The following GABRB1 variants were observed in gnomAD, a reference collection of about 807,000 sequenced individuals.
The protein encoded by GABRB1 is gamma-aminobutyric acid type A receptor subunit beta1.
A neutral mutation model predicts 51.6 loss-of-function variants in GABRB1; 17 were observed. The observed-to-expected ratio is 0.33, with a 90% confidence interval of 0.23 to 0.49. The LOEUF (loss-of-function observed/expected upper bound fraction) is 0.49, where lower values mean the gene tolerates loss of function less well. GABRB1 is among the 20% of genes least tolerant of loss of function. The probability of loss-of-function intolerance (pLI) is 0.99; values close to 1 mark genes in which losing one functional copy is unlikely to be tolerated. For synonymous variants in GABRB1, 247 were observed against 218.9 expected (o/e 1.13, Z -1.14); for missense variants, 410 against 600.6 (o/e 0.68, Z 3.32).
At chr4:47,210,042 C>T (rs1488424750) in intron 4 of GABRB1, among the ~76,000 whole-genome samples, 2 of 152,174 alleles carry the variant, frequency 1.3e-5, no homozygotes, top group African/African-American at 4.8e-5. Flanking sequence ...AGGCCTGGTT[C>T]ACTGCTTATT....
intron 5 of GABRB1, among the ~76,000 whole-genome samples, chr4:47,355,059 C>G (rs1202003668): frequency 3.0e-5 from 4 of 134,662 alleles, no homozygotes; most frequent in African/African-American, 1.1e-4. Context: ...GATCTTGGCT[C>G]ACTGCAACCT....
At chr4:47,320,725 GT>G (rs1725049852) in intron 5 of GABRB1, among the ~76,000 whole-genome samples, 1 of 148,712 alleles carries the variant, frequency 6.7e-6, no homozygotes, top group Non-Finnish European at 1.5e-5. Context: ...ATTTTCGTTT[GT>G]CCTCTTGGGC....
intron 4 of GABRB1, among the ~76,000 whole-genome samples, chr4:47,261,670 T>C (rs1474341261): frequency 5.3e-5 from 8 of 151,834 alleles, no homozygotes; most frequent in Non-Finnish European, 1.0e-4. Flanking sequence ...AATGACTTTC[T>C]TCACAGAATT....
At chr4:47,155,580 G>A (rs1235941961) in intron 3 of GABRB1, among the ~76,000 whole-genome samples, 1 of 151,782 alleles carries the variant, frequency 6.6e-6, no homozygotes, top group Admixed American at 6.6e-5. Context: ...GACTATGGGG[G>A]CAGTGAACAA....
chr4:47,354,667 C>G (rs1400419621), intron 5 of GABRB1, among the ~76,000 whole-genome samples: 1 of 152,070 alleles, frequency 6.6e-6, no homozygotes, highest in Non-Finnish European at 1.5e-5. Context: ...GTGGATCCTT[C>G]CCCCGTAGCT....
At chr4:47,379,459 C>A (rs767653872) in intron 5 of GABRB1, among the ~76,000 whole-genome samples, 3 of 152,124 alleles carry the variant, frequency 2.0e-5, no homozygotes, top group Non-Finnish European at 2.9e-5. Context: ...TAACTGTGAA[C>A]TAATGTAAGG....
At chr4:47,185,949 T>C (rs1050323702) in intron 4 of GABRB1, among the ~76,000 whole-genome samples, 1 of 151,814 alleles carries the variant, frequency 6.6e-6, no homozygotes, top group East Asian at 1.9e-4. Flanking sequence ...TGTTCATCTG[T>C]CTCATGGAGG....
chr4:47,171,930 G>T (rs1325535690), intron 4 of GABRB1, among the ~76,000 whole-genome samples: 2 of 152,004 alleles, frequency 1.3e-5, no homozygotes, highest in Non-Finnish European at 2.9e-5. Flanking sequence ...CATTTGGCTG[G>T]GTTGCAATTC....
intron 4 of GABRB1, among the ~76,000 whole-genome samples, chr4:47,209,898 A>T (rs892333959): frequency 1.3e-5 from 2 of 151,954 alleles, no homozygotes; most frequent in Non-Finnish European, 2.9e-5. Flanking sequence ...TACCCTTTGT[A>T]GCTTCTGTTG....
chr4:47,109,130 G>T (rs192450755), intron 3 of GABRB1, among the ~76,000 whole-genome samples: 1 of 152,110 alleles, frequency 6.6e-6, no homozygotes, highest in African/African-American at 2.4e-5. Context: ...TAGCAGACTA[G>T]TGATATTTAT....
At chr4:47,114,002 C>A (rs1165046084) in intron 3 of GABRB1, among the ~76,000 whole-genome samples, 1 of 152,192 alleles carries the variant, frequency 6.6e-6, no homozygotes, top group Non-Finnish European at 1.5e-5. Flanking sequence ...CAATTTAAGT[C>A]TGACAGGCCT....
chr4:47,397,825 G>A (rs147764575), intron 5 of GABRB1, among the ~76,000 whole-genome samples: 13,866 of 151,856 alleles, frequency 0.091, 855 homozygotes, highest in Non-Finnish European at 0.14. Flanking sequence ...TACCCATCTC[G>A]GCCTCCCAAA....
At chr4:47,349,845 C>A (rs1726243436) in intron 5 of GABRB1, among the ~76,000 whole-genome samples, 2 of 152,162 alleles carry the variant, frequency 1.3e-5, no homozygotes, top group African/African-American at 4.8e-5. Flanking sequence ...GATATTAATT[C>A]TTAGACCCTA....
At chr4:47,229,213 T>C (rs912635545) in intron 4 of GABRB1, among the ~76,000 whole-genome samples, 1 of 152,310 alleles carries the variant, frequency 6.6e-6, no homozygotes, top group Middle Eastern at 3.4e-3. Context: ...TGCATACTTA[T>C]GATGTTCAAT....
At chr4:47,358,960 C>T (rs1182553091) in intron 5 of GABRB1, among the ~76,000 whole-genome samples, 1 of 152,030 alleles carries the variant, frequency 6.6e-6, no homozygotes, top group African/African-American at 2.4e-5. Context: ...CTATTGGAAG[C>T]CAAGGTCTCC....
chr4:47,097,072 T>C (rs1714477037), intron 3 of GABRB1, among the ~76,000 whole-genome samples: 1 of 152,140 alleles, frequency 6.6e-6, no homozygotes, highest in African/African-American at 2.4e-5. Flanking sequence ...CAAAATAGCA[T>C]CCAGAGTGAT....
At chr4:47,088,539 T>C (rs1266155125) in intron 3 of GABRB1, among the ~76,000 whole-genome samples, 1 of 152,098 alleles carries the variant, frequency 6.6e-6, no homozygotes, top group Non-Finnish European at 1.5e-5. Flanking sequence ...AAGAAGAAAG[T>C]GCTACAAATG....
rs546153024 is a variant in GABRB1, at chr4:47,123,059, C to G, written c.241-38190C>G. On this transcript the variant is annotated intron_variant, in intron 3 of 8. Coordinates refer to ENST00000295454, the MANE Select transcript of GABRB1 (RefSeq NM_000812.4). ...CTGCAATTATACAATGCAATGAAAG[C>G]GAGTAGATGTACAACTCATTTTCTC... is the stretch of plus-strand genomic sequence containing the variant. 3.9e-5 allele frequency among the ~76,000 whole-genome samples: 6 copies of G among 152,028 alleles called. No homozygotes were observed. In the South Asian group the frequency reaches 6.2e-4, roughly 16 times the overall value.
intron 5 of GABRB1, among the ~76,000 whole-genome samples, chr4:47,350,271 A>G (rs962336795): frequency 1.3e-3 from 134 of 101,490 alleles, no homozygotes; most frequent in African/African-American, 3.4e-3. Flanking sequence ...TAATGTGTGT[A>G]TATATATATA....
Sources: gnomAD v4.1 joint callset for allele counts (sites outside exome capture counted in the v4.1 genomes callset) on GRCh38, gnomAD v4.1.1 for gene constraint, MANE v1.5 for transcripts, NCBI Gene and HGNC (gene_info 2026-07-23, HGNC 2026-07-21) for gene names.